The following LARGE1 variants were observed in gnomAD, a reference collection of about 807,000 sequenced individuals.
The protein encoded by LARGE1 is xylosyl- and glucuronyltransferase LARGE1.
LARGE1 carries 43 observed loss-of-function variants against 87.6 expected under a neutral mutation model. The observed-to-expected ratio is 0.49, with a 90% CI of 0.38 to 0.63. The LOEUF is 0.63. Among genes scored for constraint, LARGE1 ranks in the 30% least tolerant of loss-of-function variants. The pLI, the probability that LARGE1 is intolerant of heterozygous loss-of-function variation, is 0.00. For missense variants in LARGE1, 802 were observed against 1,000.2 expected (o/e 0.80, Z 2.67); for synonymous variants, 434 against 394.6 (o/e 1.10, Z -1.18).
chr22:33,519,913 T>C (rs5998990), intron 6 of LARGE1, among the ~76,000 whole-genome samples: 1,686 of 152,168 alleles, frequency 0.011, 36 homozygotes, highest in African/African-American at 0.039. Context: ...TTTCTTTTCC[T>C]TAGGATTAAG....
chr22:33,173,494 T>A (rs1922691455), intron 11 of LARGE1, among the ~76,000 whole-genome samples: 2 of 152,058 alleles, frequency 1.3e-5, no homozygotes, highest in East Asian at 3.9e-4. Flanking sequence ...CATAGCAATA[T>A]TAACCTTAAA....
At chr22:33,108,156 C>A in the LARGE1 span, among the ~76,000 whole-genome samples, 1 of 152,150 alleles carries the variant, frequency 6.6e-6, no homozygotes, top group Non-Finnish European at 1.5e-5. Flanking sequence ...GCACATAAGG[C>A]ACCTAGGATG....
chr22:33,594,751 C>A (rs1390315889), intron 5 of LARGE1, among the ~76,000 whole-genome samples: 2 of 152,206 alleles, frequency 1.3e-5, no homozygotes. Flanking sequence ...GGATTACAGG[C>A]ACCCACCACC....
intron 1 of LARGE1, among the ~76,000 whole-genome samples, chr22:33,794,329 A>G (rs1464221953): frequency 6.6e-6 from 1 of 152,210 alleles, no homozygotes; most frequent in Non-Finnish European, 1.5e-5. Flanking sequence ...TCGCCCAGAC[A>G]CCACCAATCC....
intron 6 of LARGE1, among the ~76,000 whole-genome samples, chr22:33,517,475 G>A (rs976621356): frequency 2.6e-5 from 4 of 152,142 alleles, no homozygotes; most frequent in African/African-American, 4.8e-5. Context: ...GGCTCACTGG[G>A]TTCAAGCGCG....
chr22:33,611,463 C>T (rs180680940), intron 4 of LARGE1, among the ~76,000 whole-genome samples: 77 of 152,262 alleles, frequency 5.1e-4, no homozygotes, highest in Middle Eastern at 6.8e-3. Flanking sequence ...TGTGTGGGGG[C>T]CTGTAGCACC....
At chr22:33,602,606 T>A (rs2079141008) in intron 5 of LARGE1, among the ~76,000 whole-genome samples, 1 of 152,144 alleles carries the variant, frequency 6.6e-6, no homozygotes, top group African/African-American at 2.4e-5. Context: ...TGGGATCAAG[T>A]GATCCCCCTG....
chr22:33,863,769 GA>G (rs397728698), intron 1 of LARGE1, among the ~76,000 whole-genome samples: 28 of 144,552 alleles, frequency 1.9e-4, no homozygotes, highest in Middle Eastern at 3.6e-3. Context: ...CTCTGTCTCA[GA>G]AAAAAAAAAA....
At chr22:33,792,576 C>T (rs1233385302) in intron 1 of LARGE1, among the ~76,000 whole-genome samples, 1 of 152,014 alleles carries the variant, frequency 6.6e-6, no homozygotes, top group African/African-American at 2.4e-5. Flanking sequence ...TAGGAAACCC[C>T]TAAGAGGGCA....
At chr22:33,189,572 G>C (rs1360241794) in intron 11 of LARGE1, among the ~76,000 whole-genome samples, 3 of 152,154 alleles carry the variant, frequency 2.0e-5, no homozygotes, top group Non-Finnish European at 2.9e-5. Context: ...TCCCTAACTA[G>C]AGAAAGGATC....
chr22:33,108,946 C>A, the LARGE1 span, among the ~76,000 whole-genome samples: 1 of 152,194 alleles, frequency 6.6e-6, no homozygotes, highest in South Asian at 2.1e-4. Context: ...CTCCCCATGA[C>A]CTAGTTTTCT....
intron 6 of LARGE1, among the ~76,000 whole-genome samples, chr22:33,453,966 G>C (rs1008277127): frequency 2.0e-5 from 3 of 152,164 alleles, no homozygotes; most frequent in African/African-American, 7.2e-5. Context: ...AAATATCAGA[G>C]CTCATTGCCT....
At chr22:33,541,201 G>GAAAAAAAAAAA (rs11368503) in intron 6 of LARGE1, among the ~76,000 whole-genome samples, 1 of 133,682 alleles carries the variant, frequency 7.5e-6, no homozygotes, top group Non-Finnish European at 1.6e-5. Context: ...GGGAAAAAAA[G>GAAAAAAAAAAA]AAAAAAAAAA....
intron 6 of LARGE1, among the ~76,000 whole-genome samples, chr22:33,459,040 A>G (rs939502177): frequency 6.6e-6 from 1 of 152,100 alleles, no homozygotes; most frequent in African/African-American, 2.4e-5. Flanking sequence ...AAAATAAAAA[A>G]AAGTGTGCAG....
chr22:33,787,826 G>GT (rs1569447237), intron 1 of LARGE1, among the ~76,000 whole-genome samples: 1 of 152,222 alleles, frequency 6.6e-6, no homozygotes, highest in African/African-American at 2.4e-5. Context: ...CTTTTGGCTA[G>GT]TAGCAGCATC....
chr22:33,248,257 G>A (rs984351350), intron 11 of LARGE1, among the ~76,000 whole-genome samples: 3 of 152,072 alleles, frequency 2.0e-5, no homozygotes, highest in African/African-American at 4.8e-5. Context: ...GTGTGTTCTC[G>A]GCTCACTGCA....
At chr22:33,175,073 A>G (rs1922791242) in intron 11 of LARGE1, among the ~76,000 whole-genome samples, 1 of 152,210 alleles carries the variant, frequency 6.6e-6, no homozygotes, top group African/African-American at 2.4e-5. Flanking sequence ...CATCGATGTG[A>G]AAATCCTCAA....
chr22:33,321,454 C>T (rs1476414148), intron 10 of LARGE1, among the ~76,000 whole-genome samples: 8 of 152,212 alleles, frequency 5.3e-5, no homozygotes, highest in Admixed American at 5.2e-4. Context: ...AAAACGTAAC[C>T]AACTGCTATG....
In LARGE1 at chr22:33,447,165, A is replaced by AT. The variant is rs568178325; in HGVS notation, c.788-14901dup. Among the ~76,000 whole-genome samples, 356 of 152,298 alleles carry AT rather than the reference A, an allele frequency of 2.3e-3. 2 individuals are homozygous for AT. The highest frequency in any genetic ancestry group is 3.7e-3 in the Non-Finnish European group (252 of 68,030). The stretch of plus-strand genomic sequence containing the variant: ...CGTCTTGGCCTCCCAAAGTGCTGGG[A>AT]TTATAAGGCATGAGCCACTGCACCT... On this transcript the variant is annotated intron_variant, in intron 6 of 14. Transcript: ENST00000397394.
Sources: allele counts gnomAD v4.1 joint callset (sites outside exome capture counted in the v4.1 genomes callset), GRCh38; gene constraint gnomAD v4.1.1; transcripts MANE v1.5; gene names NCBI Gene and HGNC (gene_info 2026-07-23, HGNC 2026-07-21).